Variants in GEN1 observed in about 807,000 individuals in gnomAD.
GEN1 encodes the protein GEN1 structure-specific endonuclease.
A neutral mutation model predicts 67.6 loss-of-function variants in GEN1; 64 were observed. The observed-to-expected ratio is 0.95, with a 90% CI of 0.77 to 1.17. GEN1 has a LOEUF of 1.17. Among genes scored for constraint, GEN1 ranks in the 50% most tolerant of loss-of-function variants. The probability of loss-of-function intolerance (pLI) is 0.00; values close to 1 mark genes in which losing one functional copy is unlikely to be tolerated. For synonymous variants in GEN1, 371 were observed against 359.4 expected (o/e 1.03, Z -0.37); for missense variants, 1,058 against 1,048.3 (o/e 1.01, Z -0.13).
intron 12 of GEN1, among the ~76,000 whole-genome samples, chr2:17,778,445 T>G (rs13402590): frequency 1.4e-5 from 1 of 73,872 alleles, no homozygotes; most frequent in African/African-American, 4.7e-5. Context: ...TACACACACA[T>G]ATATGTGTGT....
chr2:17,764,152 C>G (rs1671813916), intron 3 of GEN1, among the ~76,000 whole-genome samples: 3 of 152,218 alleles, frequency 2.0e-5, no homozygotes, highest in African/African-American at 7.2e-5. Context: ...ATGATGTAAT[C>G]ATTCTGCACA....
chr2:17,774,315 T>C lies in GEN1; in HGVS notation c.1116T>C (p.Cys372=), dbSNP rs762860364. The C allele has an allele frequency of 6.3e-7, 1 of 1,597,956 alleles. No homozygotes were observed. The highest frequency in any genetic ancestry group is 8.6e-7 in the Non-Finnish European group (1 of 1,167,550). The part of the protein sequence containing the change: ...EKMEWPNHYA[C]EKLLVLLTHY... ...TGGAGTGGCCCAATCACTATGCATG[T>C]GAGAAATTGCTGGTACTTTTGACCC... The change falls in exon 11 of 14, where the codon TGT becomes TGC. Residue 372 remains cysteine, a synonymous_variant. Coordinates refer to ENST00000381254, the MANE Select transcript of GEN1 (RefSeq NM_001130009.3).
chr2:17,777,930 A>G, intron 11 of GEN1, 72 bp from the exon 12 acceptor site: 1 of 812,974 alleles, frequency 1.2e-6, no homozygotes, highest in Non-Finnish European at 2.1e-6. Context: ...TATGGAAATT[A>G]TTCAGGTTAG....
intron 13 of GEN1, 111 bp downstream of exon 13, chr2:17,780,232 A>C: frequency 2.4e-6 from 2 of 820,776 alleles, no homozygotes; most frequent in African/African-American, 1.7e-5. Flanking sequence ...CTATAAACTC[A>C]AAAGTCAAGA....
rs1239179148 is a variant in GEN1, at chr2:17,787,288, T to A, written c.*5349T>A. ...GCCGTGTAGGAGGCACAATATTCCT[T>A]ACTTAAAAATGCCTCTATCTCTCCC... On this transcript the variant is annotated 3_prime_UTR_variant, in exon 14 of 14. Transcript: ENST00000381254. 6.6e-6 allele frequency: 1 copy of A among 152,186 alleles called. No homozygotes were observed. The allele number at this position is 152,186 out of a possible 1,614,324, so 9.4% of individuals were successfully genotyped here.
At position 17,781,138 on chromosome 2, in the gene GEN1, CATAA is replaced by C. The variant is rs1558413121; in HGVS notation, c.1928_1931del (p.Ile643ArgfsTer31). The stretch of plus-strand genomic sequence containing the variant: ...GTGAATCAGAAAGGTACACTGCAAA[CATAA>C]AGAAAGTGTTGGATGAGGATTCTGA... On this transcript the variant is annotated frameshift_variant, in exon 14 of 14. Transcript: ENST00000381254. LOFTEE classifies it low-confidence loss of function (END_TRUNC). 1 of 1,613,918 alleles carries C rather than the reference CATAA, an allele frequency of 6.2e-7. No individual in the cohort carries two copies. Among genetic ancestry groups the C allele is most frequent in the Admixed American group, 1.7e-5 (1 of 60,024 alleles).
rs779019881 is a variant in GEN1 at position 17,781,486 on chromosome 2, C to T, written c.2274C>T (p.Val758=). The change falls in exon 14 of 14, where the codon GTC becomes GTT. Residue 758 remains valine (V), a synonymous_variant. Coordinates refer to ENST00000381254, the MANE Select transcript of GEN1 (RefSeq NM_001130009.3). Reference sequence around the variant, plus strand: ...TCAATACTTCTGTCCCTTATTCTGTCAGTAACACAGTGGTAAAGACCTGCA... The same window carrying T: ...TCAATACTTCTGTCCCTTATTCTGTTAGTAACACAGTGGTAAAGACCTGCA... The part of the protein sequence containing the change: ...YKVNTSVPYS[V]SNTVVKTCNV... 11 of 1,613,536 alleles carry T rather than the reference C, an allele frequency of 6.8e-6. No individual in the cohort carries two copies. The East Asian group carries it at 1.6e-4, about 23-fold the overall frequency.
At chr2:17,772,900 A>ATT in intron 8 of GEN1, 116 bp downstream of exon 8, 1 of 1,056,198 alleles carries the variant, frequency 9.5e-7, no homozygotes, top group Non-Finnish European at 1.3e-6. Context: ...GTTTAACTAA[A>ATT]TTTTTTTTTC....
rs1449978784 is a variant in GEN1 at position 17,788,151 on chromosome 2, C to G, written c.*6212C>G. The stretch of plus-strand genomic sequence containing the variant: ...TGCTGTTCCTGTTCTGCTGGTAGCA[C>G]TTAGGGTAAAACAGCTTAAATAGTA... On this transcript the variant is annotated 3_prime_UTR_variant, in exon 14 of 14. Coordinates refer to ENST00000381254, the MANE Select transcript of GEN1 (RefSeq NM_001130009.3). 6.6e-6 allele frequency: 1 copy of G among 152,210 alleles called. No individual in the cohort carries two copies. Among genetic ancestry groups the G allele is most frequent in the African/African-American group, 2.4e-5 (1 of 41,454 alleles). The allele number at this position is 152,210 out of a possible 1,614,324, so 9.4% of individuals were successfully genotyped here. A position where few individuals can be genotyped will look rare whatever the true frequency, so the allele number is the denominator to read the frequency against.
Position 17,787,703 on chromosome 2 carries a change from T to G in GEN1, c.*5764T>G, listed in dbSNP as rs1305899532. On this transcript the variant is annotated 3_prime_UTR_variant, in exon 14 of 14. Transcript: ENST00000381254. ...GTTTGGGAGGCCGAGATGGGCAGAT[T>G]GCCTGAGGTCAGGAGTTCGAGACCA... 1 of 152,186 alleles carries G rather than the reference T, an allele frequency of 6.6e-6. No individual in the cohort carries two copies. The highest frequency in any genetic ancestry group is 1.5e-5 in the Non-Finnish European group (1 of 68,084). 9.4% of individuals were successfully genotyped at this position (152,186 alleles called of 1,614,324 possible). A position where few individuals can be genotyped will look rare whatever the true frequency, so the allele number is the denominator to read the frequency against.
intron 3 of GEN1, among the ~76,000 whole-genome samples, chr2:17,762,614 T>C (rs2125123775): frequency 6.6e-6 from 1 of 152,322 alleles, no homozygotes; most frequent in East Asian, 1.9e-4. Context: ...ATTTCCCTTT[T>C]GTCACATTCT....
At chr2:17,772,451 C>G (rs1672235103) in intron 7 of GEN1, among the ~76,000 whole-genome samples, 183 bp from the exon 8 acceptor site, 1 of 151,896 alleles carries the variant, frequency 6.6e-6, no homozygotes, top group Admixed American at 6.6e-5. Flanking sequence ...TCTACTTGAG[C>G]CCAAGAATTA....
intron 11 of GEN1, among the ~76,000 whole-genome samples, chr2:17,776,685 A>G (rs1271663471): frequency 6.6e-6 from 1 of 152,240 alleles, no homozygotes; most frequent in Non-Finnish European, 1.5e-5. Context: ...TCATAACCGT[A>G]ATAGATGCCA....
chr2:17,760,968 C>T (rs1301497616), intron 2 of GEN1, among the ~76,000 whole-genome samples: 1 of 149,486 alleles, frequency 6.7e-6, no homozygotes, highest in African/African-American at 2.5e-5. Context: ...CAGTGGCTCA[C>T]ACTTGTATTC....
chr2:17,765,831 A>G (rs1317437872), intron 4 of GEN1, among the ~76,000 whole-genome samples: 1 of 152,192 alleles, frequency 6.6e-6, no homozygotes, highest in Non-Finnish European at 1.5e-5. Context: ...TAAAAAACGT[A>G]ATTAACAATA....
chr2:17,766,173 T>C (rs1035175851), intron 4 of GEN1, among the ~76,000 whole-genome samples: 6 of 152,210 alleles, frequency 3.9e-5, no homozygotes, highest in Admixed American at 6.5e-5. Context: ...AATTAAACTT[T>C]TTTTCTTTTT....
At chr2:17,764,862 T>C (rs1302325077) in intron 3 of GEN1, 35 bp from the exon 4 acceptor site, 2 of 1,583,112 alleles carry the variant, frequency 1.3e-6, no homozygotes, top group African/African-American at 2.7e-5. Flanking sequence ...AGTGAAAACA[T>C]TCTTTAACAT....
chr2:17,765,748 A>G (rs532044625), intron 4 of GEN1, among the ~76,000 whole-genome samples: 1 of 152,366 alleles, frequency 6.6e-6, no homozygotes, highest in South Asian at 2.1e-4. Context: ...TATTATTGAC[A>G]TAAAAGATAT....
Position 17,781,480 on chromosome 2 carries a change from TTC to T in GEN1, c.2270_2271del (p.Ser757CysfsTer3). 2 of 1,613,618 alleles carry T rather than the reference TTC, an allele frequency of 1.2e-6. No individual in the cohort carries two copies. The highest frequency in any genetic ancestry group is 2.2e-5 in the South Asian group (2 of 91,074). On this transcript the variant is annotated frameshift_variant, in exon 14 of 14. Coordinates refer to ENST00000381254, the MANE Select transcript of GEN1 (RefSeq NM_001130009.3). LOFTEE classifies it low-confidence loss of function (END_TRUNC). ...DYKVNTSVPYSVSNTVVKTCN... is the reference protein window; with the variant it reads ...DYKVNTSVPYXVSNTVVKTCN... The stretch of plus-strand genomic sequence containing the variant: ...ATAAAGTCAATACTTCTGTCCCTTA[TTC>T]TGTCAGTAACACAGTGGTAAAGACC...
Sources: allele counts gnomAD v4.1 joint callset (sites outside exome capture counted in the v4.1 genomes callset), GRCh38; gene constraint gnomAD v4.1.1; transcripts MANE v1.5; gene names NCBI Gene and HGNC (gene_info 2026-07-23, HGNC 2026-07-21).